MYO10: variants seen among roughly 807,000 people sequenced by gnomAD.
MYO10 encodes the protein unconventional myosin-X.
A neutral mutation model predicts 257.3 loss-of-function variants in MYO10; 133 were observed. The observed-to-expected ratio is 0.52, with a 90% confidence interval of 0.45 to 0.60. The LOEUF (loss-of-function observed/expected upper bound fraction) is 0.60. Ranked by LOEUF, MYO10 falls within the 20% of genes least tolerant of loss-of-function variation. The pLI is 0.00. For synonymous variants in MYO10, 1,104 were observed against 1,028.6 expected (o/e 1.07, Z -1.40); for missense variants, 2,399 against 2,635.7 (o/e 0.91, Z 1.97).
rs570509638 is a variant in MYO10, at chr5:16,801,997, G to A, written c.280-7164C>T. On this transcript the variant is annotated intron_variant, in intron 3 of 40. Coordinates refer to ENST00000513610, the MANE Select transcript of MYO10 (RefSeq NM_012334.3). ...TGCTACAACATGGATGAACCCTTAA[G>A]ACATTATGCTAAGTGAATTATGACA... Among the ~76,000 whole-genome samples, 5 of 152,264 alleles carry A rather than the reference G, an allele frequency of 3.3e-5. No individual in the cohort carries two copies. In the East Asian group the frequency reaches 9.7e-4, roughly 29 times the overall value.
chr5:16,756,582 A>T (rs969162459), intron 18 of MYO10, among the ~76,000 whole-genome samples: 1 of 152,186 alleles, frequency 6.6e-6, no homozygotes, highest in African/African-American at 2.4e-5. Context: ...AATTTCTCAC[A>T]AGACAAAACA....
chr5:16,777,839 C>CCTTT (rs1560979466), intron 9 of MYO10, among the ~76,000 whole-genome samples: 14 of 88,478 alleles, frequency 1.6e-4, no homozygotes, highest in African/African-American at 2.7e-4. Flanking sequence ...TTGCATCTAA[C>CCTTT]TTTTTTTTTT....
Position 16,902,292 on chromosome 5 carries a change from C to T in MYO10, c.22-24585G>A, listed in dbSNP as rs576543382. 1.9e-4 allele frequency: 149 copies of T among 800,100 alleles called. No homozygotes were observed. The African/African-American group carries it at 2.2e-3, about 12-fold the overall frequency. The allele number at this position is 800,100 out of a possible 1,614,324, so 49.6% of individuals were successfully genotyped here. On this transcript the variant is annotated intron_variant, in intron 1 of 40. Transcript: ENST00000513610. ...GTCTTCAGTCTTTAAGAACTCAGCT[C>T]CTTACATGGGCTTTGGTAGGGGACA...
chr5:16,755,311 G>A (rs909906272), intron 18 of MYO10, among the ~76,000 whole-genome samples: 9 of 152,238 alleles, frequency 5.9e-5, no homozygotes, highest in South Asian at 4.1e-4. Flanking sequence ...GACTACAGGC[G>A]CCCGCCACCA....
At chr5:16,706,310 T>TATATATATATATACACACACAC (rs528348703) in intron 21 of MYO10, among the ~76,000 whole-genome samples, 23 of 151,752 alleles carry the variant, frequency 1.5e-4, no homozygotes, top group African/African-American at 5.1e-4. Context: ...AATATATATA[T>TATATATATATATACACACACAC]ACACACACAC....
intron 3 of MYO10, among the ~76,000 whole-genome samples, chr5:16,812,926 A>ATTTTTTTTT (rs756853883): frequency 1.6e-5 from 2 of 127,986 alleles, no homozygotes; most frequent in African/African-American, 3.1e-5. Context: ...GGGTGCTTTT[A>ATTTTTTTTT]TTTTTTTTTT....
At chr5:16,798,017 T>C (rs1742019147) in intron 3 of MYO10, among the ~76,000 whole-genome samples, 1 of 152,222 alleles carries the variant, frequency 6.6e-6, no homozygotes, top group Non-Finnish European at 1.5e-5. Flanking sequence ...GAGTTAGTTA[T>C]TGCAGAGTGG....
intron 1 of MYO10, among the ~76,000 whole-genome samples, chr5:16,892,972 G>A (rs1338773541): frequency 6.6e-6 from 1 of 152,044 alleles, no homozygotes; most frequent in Admixed American, 6.6e-5. Flanking sequence ...GAGGCGGGCA[G>A]ATCACGAGGT....
chr5:16,758,176 T>C lies in MYO10; in HGVS notation c.1790A>G (p.Gln597Arg). The C allele has an allele frequency of 1.2e-6, 2 of 1,613,852 alleles. No individual in the cohort carries two copies. Among genetic ancestry groups the C allele is most frequent in the Non-Finnish European group, 1.7e-6 (2 of 1,179,738 alleles). Residue 597 changes from glutamine to arginine, a missense_variant, in exon 18 of 41, where the codon CAG becomes CGG. This residue lies in a region of MYO10 where 1,820 missense variants were observed against 1,939.4 expected (regional missense o/e 0.94). Transcript: ENST00000513610. ...TTTGCTTCCACATTTCAAGGTATCC[T>C]GGTTGTTGCGGCTTGAAACATGTTC... ...LFEHVSSRNN[Q>R]DTLKCGSKHR... is the part of the protein sequence containing the mutation.
intron 1 of MYO10, among the ~76,000 whole-genome samples, chr5:16,923,855 C>A (rs1361356766): frequency 6.6e-6 from 1 of 152,052 alleles, no homozygotes. Flanking sequence ...TTTAGGAGGC[C>A]AAAGGGGAAG....
intron 17 of MYO10, among the ~76,000 whole-genome samples, 189 bp from the exon 18 acceptor site, chr5:16,758,415 G>A (rs1445370687): frequency 1.3e-5 from 2 of 152,180 alleles, no homozygotes; most frequent in East Asian, 1.9e-4. Flanking sequence ...CTGAAAACAC[G>A]TGGCAGTGTC....
chr5:16,934,899 C>A (rs78660321), intron 1 of MYO10, among the ~76,000 whole-genome samples: 7,450 of 152,268 alleles, frequency 0.049, 195 homozygotes, highest in African/African-American at 0.066. Context: ...AGAAAACATT[C>A]CCTGGCTTTC....
intron 1 of MYO10, among the ~76,000 whole-genome samples, chr5:16,921,360 G>A (rs1745975628): frequency 6.6e-6 from 1 of 152,010 alleles, no homozygotes; most frequent in African/African-American, 2.4e-5. Context: ...AGCACTTAGG[G>A]GGTGAGGGGT....
In MYO10 at chr5:16,848,155, CTT is replaced by C. The variant is rs371042891; in HGVS notation, c.120+29452_120+29453del. On this transcript the variant is annotated intron_variant, in intron 2 of 40. Transcript: ENST00000513610. ...TGATTAAGCAAAGAACTACACATTT[CTT>C]TTTTTTTTTTTTTTTTGTGAGAGAG... Among the ~76,000 whole-genome samples the C allele has an allele frequency of 4.0e-4, 45 of 113,532 alleles. 2 individuals are homozygous for C. In the South Asian group the frequency reaches 4.2e-3, roughly 10 times the overall value. The allele number at this position is 113,532 out of a possible 152,430, so 74.5% of individuals were successfully genotyped here. A position where few individuals can be genotyped will look rare whatever the true frequency, so the allele number is the denominator to read the frequency against.
At chr5:16,799,266 A>T (rs1406491113) in intron 3 of MYO10, among the ~76,000 whole-genome samples, 1 of 144,956 alleles carries the variant, frequency 6.9e-6, no homozygotes. Flanking sequence ...AAGGTAGAAG[A>T]CAAAGTGGCA....
intron 13 of MYO10, 29 bp downstream of exon 13, chr5:16,763,626 A>T: frequency 6.3e-7 from 1 of 1,589,482 alleles, no homozygotes; most frequent in South Asian, 1.1e-5. Flanking sequence ...TAAAAAAAAA[A>T]ATTGAAATGG....
chr5:16,764,438 AC>A (rs1209815594), intron 11 of MYO10, 42 bp from the exon 12 acceptor site: 28 of 1,607,560 alleles, frequency 1.7e-5, no homozygotes, highest in Non-Finnish European at 2.4e-5. Flanking sequence ...GACCCCGGGC[AC>A]CCCAGACAGG....
intron 1 of MYO10, among the ~76,000 whole-genome samples, chr5:16,932,961 G>A (rs972149258): frequency 2.6e-5 from 4 of 152,130 alleles, no homozygotes; most frequent in African/African-American, 9.7e-5. Flanking sequence ...GTTTCACCAT[G>A]TTGCCCCGGC....
intron 19 of MYO10, among the ~76,000 whole-genome samples, chr5:16,716,702 G>C (rs1738889296): frequency 6.6e-6 from 1 of 151,960 alleles, no homozygotes; most frequent in African/African-American, 2.4e-5. Flanking sequence ...CGTGGCTGGG[G>C]GTGGTAGGAA....
Sources: allele counts gnomAD v4.1 joint callset (sites outside exome capture counted in the v4.1 genomes callset), GRCh38; gene constraint gnomAD v4.1.1; regional missense constraint gnomAD v4.1.1; transcripts MANE v1.5; gene names NCBI Gene and HGNC (gene_info 2026-07-23, HGNC 2026-07-21).